Variants in CREB1 observed in about 807,000 individuals in gnomAD.
The protein encoded by CREB1 is cyclic AMP-responsive element-binding protein 1.
CREB1 carries 2 observed loss-of-function variants against 42.0 expected under a neutral mutation model. The observed-to-expected ratio is 0.05, with a 90% CI of 0.02 to 0.15. The LOEUF (loss-of-function observed/expected upper bound fraction) is 0.15, where lower values mean the gene tolerates loss of function less well. CREB1 is among the 10% of genes least tolerant of loss of function. The pLI is 1.00. For synonymous variants in CREB1, 123 were observed against 139.9 expected (o/e 0.88, Z 0.85); for missense variants, 199 against 388.9 (o/e 0.51, Z 4.11).
intron 1 of CREB1, among the ~76,000 whole-genome samples, chr2:207,554,725 A>G (rs1029638922): frequency 6.6e-6 from 1 of 152,120 alleles, no homozygotes; most frequent in Non-Finnish European, 1.5e-5. Context: ...TTTTTGTCTT[A>G]CCCAGAATTT....
At chr2:207,574,614 A>G (rs1236743823) in intron 5 of CREB1, among the ~76,000 whole-genome samples, 1 of 152,214 alleles carries the variant, frequency 6.6e-6, no homozygotes, top group Non-Finnish European at 1.5e-5. Flanking sequence ...GTATTAAATA[A>G]TTTAGAAATG....
chr2:207,588,755 G>T (rs1364245681), intron 7 of CREB1, among the ~76,000 whole-genome samples: 1 of 150,250 alleles, frequency 6.7e-6, no homozygotes, highest in African/African-American at 2.5e-5. Flanking sequence ...GTGTGGGGGT[G>T]GGGGGACATG....
At position 207,562,022 on chromosome 2, in the gene CREB1, A is replaced by G. The variant is rs112175821; in HGVS notation, c.261+1650A>G. ...CTGGGAATGGCATTTGTTAACAAGTAAAAGATAGTGTTGTGCATGTAAAGA... is the reference window on the plus strand; with the variant it reads ...CTGGGAATGGCATTTGTTAACAAGTGAAAGATAGTGTTGTGCATGTAAAGA... On this transcript the variant is annotated intron_variant, in intron 3 of 7. Transcript: ENST00000353267. Among the ~76,000 whole-genome samples the G allele has an allele frequency of 6.6e-3, 1,003 of 152,326 alleles. 12 individuals are homozygous for G. The highest frequency in any genetic ancestry group is 0.023 in the African/African-American group (954 of 41,576).
At chr2:207,537,072 TTGA>T (rs2106348162) in intron 1 of CREB1, among the ~76,000 whole-genome samples, 1 of 127,930 alleles carries the variant, frequency 7.8e-6, no homozygotes, top group Admixed American at 8.1e-5. Context: ...GTTGTTGTTG[TTGA>T]GACGGAGTCT....
Position 207,601,195 on chromosome 2 carries a change from G to A in CREB1, c.*4137G>A, listed in dbSNP as rs1054447599. ...TTTCCCTCATGGACCCAATAGAAAA[G>A]TTGTATATTTATTTGGATTATATTT... is the stretch of plus-strand genomic sequence containing the variant. On this transcript the variant is annotated 3_prime_UTR_variant, in exon 8 of 8. Coordinates refer to ENST00000353267, the MANE Select transcript of CREB1 (RefSeq NM_004379.5). 24 of 185,294 alleles carry A rather than the reference G, an allele frequency of 1.3e-4. No homozygotes were observed. The highest frequency in any genetic ancestry group is 5.6e-4 in the African/African-American group (24 of 42,658). The allele number at this position is 185,294 out of a possible 1,614,324, so 11.5% of individuals were successfully genotyped here. A position where few individuals can be genotyped will look rare whatever the true frequency, so the allele number is the denominator to read the frequency against.
chr2:207,586,761 C>T (rs552380767), intron 7 of CREB1, among the ~76,000 whole-genome samples: 1 of 152,078 alleles, frequency 6.6e-6, no homozygotes, highest in Non-Finnish European at 1.5e-5. Flanking sequence ...AGACATTTCT[C>T]AAAAGAAGAC....
At chr2:207,588,520 T>C (rs1339876911) in intron 7 of CREB1, among the ~76,000 whole-genome samples, 1 of 152,220 alleles carries the variant, frequency 6.6e-6, no homozygotes, top group Non-Finnish European at 1.5e-5. Flanking sequence ...TGCACTTTAA[T>C]GTATATTTTA....
chr2:207,548,984 A>G (rs901854777), intron 1 of CREB1, among the ~76,000 whole-genome samples: 5 of 152,320 alleles, frequency 3.3e-5, no homozygotes, highest in South Asian at 2.1e-4. Flanking sequence ...TAATATCTAG[A>G]TTGGAGGCTG....
chr2:207,544,038 G>C (rs2081205213), intron 1 of CREB1, among the ~76,000 whole-genome samples: 1 of 152,146 alleles, frequency 6.6e-6, no homozygotes, highest in African/African-American at 2.4e-5. Context: ...TCCTGCTTCA[G>C]CCTCCTGAGT....
intron 7 of CREB1, among the ~76,000 whole-genome samples, chr2:207,594,387 G>A (rs532990099): frequency 2.0e-5 from 3 of 152,046 alleles, no homozygotes; most frequent in East Asian, 3.9e-4. Context: ...CCATTTCCTC[G>A]TTCCCCCAGC....
chr2:207,588,353 T>G lies in CREB1; in HGVS notation c.840-8561T>G, dbSNP rs147335788. On this transcript the variant is annotated intron_variant, in intron 7 of 7. Transcript: ENST00000353267. ...TTTTTCAAAAATTAATTGACCATAT[T>G]TGTGTGAGTCTGTTTCTTGGATATC... 5.8e-3 allele frequency among the ~76,000 whole-genome samples: 890 copies of G among 152,260 alleles called. 4 individuals carry two copies. The highest frequency in any genetic ancestry group is 0.02 in the African/African-American group (848 of 41,550).
In CREB1 at chr2:207,563,299, A is replaced by G. The variant is rs115054744; in HGVS notation, c.261+2927A>G. ...AAGTTTGTCTCCTTTAAAATGTCAA[A>G]TCTACGTATTTTAAAACCCTAGGAA... On this transcript the variant is annotated intron_variant, in intron 3 of 7. Transcript: ENST00000353267. 2.5e-3 allele frequency among the ~76,000 whole-genome samples: 387 copies of G among 152,324 alleles called. 2 individuals carry two copies. The highest frequency in any genetic ancestry group is 8.4e-3 in the African/African-American group (349 of 41,564).
chr2:207,567,624 A>G, intron 4 of CREB1, 61 bp downstream of exon 4: 3 of 1,161,674 alleles, frequency 2.6e-6, no homozygotes, highest in Non-Finnish European at 3.8e-6. Flanking sequence ...TTGCAGATAA[A>G]GAGATGTCAG....
intron 7 of CREB1, among the ~76,000 whole-genome samples, chr2:207,585,013 G>A (rs920287591): frequency 1.3e-5 from 2 of 151,720 alleles, no homozygotes; most frequent in African/African-American, 2.4e-5. Flanking sequence ...ACTTACACAC[G>A]TCTAGGAGCC....
intron 1 of CREB1, among the ~76,000 whole-genome samples, chr2:207,534,846 T>C (rs2080803618): frequency 6.6e-6 from 1 of 152,244 alleles, no homozygotes; most frequent in African/African-American, 2.4e-5. Flanking sequence ...AGGTGTTTTA[T>C]GCAAACACGA....
chr2:207,535,873 G>A (rs1290576936), intron 1 of CREB1, among the ~76,000 whole-genome samples: 1 of 151,312 alleles, frequency 6.6e-6, no homozygotes, highest in East Asian at 1.9e-4. Context: ...CCAGGCTGGA[G>A]TGCAGTGGCA....
intron 1 of CREB1, among the ~76,000 whole-genome samples, chr2:207,534,864 T>A (rs2080804443): frequency 6.6e-6 from 1 of 152,248 alleles, no homozygotes; most frequent in Non-Finnish European, 1.5e-5. Context: ...CGAGCAAATA[T>A]GTATGTACAG....
intron 1 of CREB1, among the ~76,000 whole-genome samples, chr2:207,549,714 G>A (rs758056266): frequency 1.4e-4 from 21 of 151,804 alleles, no homozygotes; most frequent in Non-Finnish European, 2.1e-4. Flanking sequence ...AAAATTAGAC[G>A]AGCTCACACC....
chr2:207,596,369 TTTAA>T (rs2086159979), intron 7 of CREB1, among the ~76,000 whole-genome samples: 1 of 152,240 alleles, frequency 6.6e-6, no homozygotes, highest in East Asian at 1.9e-4. Context: ...TGCAGAATAT[TTTAA>T]TTAATAGTAA....
Sources: allele counts gnomAD v4.1 joint callset (sites outside exome capture counted in the v4.1 genomes callset), GRCh38; gene constraint gnomAD v4.1.1; transcripts MANE v1.5; gene names NCBI Gene and HGNC (gene_info 2026-07-23, HGNC 2026-07-21).